Variants in C18orf63 observed in about 807,000 individuals in gnomAD.
The protein encoded by C18orf63 is uncharacterized protein C18orf63.
Under a neutral mutation model 75.3 loss-of-function variants are expected in C18orf63, and 50 were observed. The observed-to-expected ratio is 0.66, with a 90% CI of 0.53 to 0.84. C18orf63 has a LOEUF of 0.84. C18orf63 is among the 40% of genes least tolerant of loss of function. C18orf63 has a pLI of 0.00. For synonymous variants in C18orf63, 232 were observed against 267.6 expected, an observed-to-expected ratio of 0.87 and a Z score of 1.30; for missense variants, 732 against 800.2, an observed-to-expected ratio of 0.91 and a Z score of 1.03.
intron 7 of C18orf63, 57 bp from the exon 8 acceptor site, chr18:74,338,658 A>G (rs1984430575): frequency 1.6e-5 from 11 of 685,982 alleles, no homozygotes; most frequent in East Asian, 3.1e-5. Context: ...ATCTTTTAAA[A>G]TGTTTCCTTT....
chr18:74,343,861 A>G (rs114066276), intron 11 of C18orf63, among the ~76,000 whole-genome samples, 159 bp downstream of exon 11: 79 of 152,186 alleles, frequency 5.2e-4, no homozygotes, highest in African/African-American at 1.7e-3. Context: ...TATTATTACT[A>G]TACTTAGTCA....
rs1426199006 is a variant in C18orf63 at position 74,317,836 on chromosome 18, C to T, written c.-30C>T. On this transcript the variant is annotated splice_region_variant and 5_prime_UTR_variant, in exon 2 of 14. Coordinates refer to ENST00000579455, the MANE Select transcript of C18orf63 (RefSeq NM_001174123.2). ...TTTTTTGCTGTTTATTTTTAAAGGC[C>T]TGATTGCTGAGACACTCAGTCAGGA... 1.3e-6 allele frequency: 2 copies of T among 1,500,432 alleles called. No individual in the cohort carries two copies. The highest frequency in any genetic ancestry group is 1.4e-5 in the African/African-American group (1 of 71,658). 92.9% of individuals were successfully genotyped at this position (1,500,432 alleles called of 1,614,324 possible).
At chr18:74,350,026 AC>A (rs1185628201) in intron 11 of C18orf63, among the ~76,000 whole-genome samples, 2 of 152,156 alleles carry the variant, frequency 1.3e-5, no homozygotes, top group Non-Finnish European at 2.9e-5. Flanking sequence ...GAGGTTGAAC[AC>A]CAGTCCATCC....
At chr18:74,330,984 T>C (rs907475935) in intron 7 of C18orf63, 42 bp downstream of exon 7, 27 of 740,722 alleles carry the variant, frequency 3.6e-5, no homozygotes, top group Non-Finnish European at 5.1e-5. Context: ...ATATTTACTA[T>C]ATACTTTTTA....
Position 74,318,009 on chromosome 18 carries a change from T to C in C18orf63, c.134+10T>C. ...AAATGAAGATGTGCAGGTAAAAAAA[T>C]ACATCTTATAACTAAGACTTTTAAA... On this transcript the variant is annotated intron_variant, in intron 2 of 13. Transcript: ENST00000579455. 6.8e-7 allele frequency: 1 copy of C among 1,476,858 alleles called. No homozygotes were observed. Among genetic ancestry groups the C allele is most frequent in the Non-Finnish European group, 9.0e-7 (1 of 1,114,134 alleles). 91.5% of individuals were successfully genotyped at this position (1,476,858 alleles called of 1,614,324 possible).
chr18:74,350,613 C>A (rs1405369779), intron 11 of C18orf63, among the ~76,000 whole-genome samples: 1 of 152,128 alleles, frequency 6.6e-6, no homozygotes, highest in Non-Finnish European at 1.5e-5. Flanking sequence ...GACTTCAAGG[C>A]TCTAAAACTG....
chr18:74,328,136 C>A (rs1034023626), intron 5 of C18orf63, 78 bp downstream of exon 5: 2 of 846,776 alleles, frequency 2.4e-6, no homozygotes, highest in African/African-American at 1.7e-5. Context: ...TATTCTCATG[C>A]TGCTAATAAA....
At chr18:74,355,440 T>C (rs1486640544) in intron 13 of C18orf63, among the ~76,000 whole-genome samples, 1 of 152,066 alleles carries the variant, frequency 6.6e-6, no homozygotes, top group African/African-American at 2.4e-5. Flanking sequence ...TTTAGAAATA[T>C]AGCACTTTCC....
At chr18:74,325,193 C>T (rs1026009843) in intron 4 of C18orf63, among the ~76,000 whole-genome samples, 8 of 152,090 alleles carry the variant, frequency 5.3e-5, no homozygotes, top group Non-Finnish European at 1.0e-4. Context: ...TTCCTAAACA[C>T]GTTCGTGCTA....
intron 7 of C18orf63, among the ~76,000 whole-genome samples, chr18:74,332,584 T>C (rs1441067149): frequency 6.6e-6 from 1 of 151,944 alleles, no homozygotes; most frequent in African/African-American, 2.4e-5. Flanking sequence ...ATTCCTGTAA[T>C]CCCAGCTACT....
At chr18:74,351,170 A>G (rs1008279705) in intron 11 of C18orf63, among the ~76,000 whole-genome samples, 9 of 152,146 alleles carry the variant, frequency 5.9e-5, no homozygotes, top group Non-Finnish European at 1.2e-4. Flanking sequence ...ATCTCACTCA[A>G]TATTTTCTTG....
At chr18:74,341,748 T>C (rs1419223882) in intron 8 of C18orf63, among the ~76,000 whole-genome samples, 2 of 151,762 alleles carry the variant, frequency 1.3e-5, no homozygotes, top group Non-Finnish European at 2.9e-5. Flanking sequence ...AAAAAAAGTA[T>C]GTGAGTAAAT....
At chr18:74,326,079 G>C (rs562389864) in intron 4 of C18orf63, among the ~76,000 whole-genome samples, 2 of 152,300 alleles carry the variant, frequency 1.3e-5, no homozygotes, top group South Asian at 2.1e-4. Flanking sequence ...GTGGTTTATG[G>C]GATTTGTACA....
chr18:74,352,875 G>A (rs1007693665), intron 11 of C18orf63, among the ~76,000 whole-genome samples: 17 of 152,204 alleles, frequency 1.1e-4, no homozygotes, highest in Non-Finnish European at 2.4e-4. Flanking sequence ...AGATTGATGG[G>A]TGGGAGAAGG....
intron 5 of C18orf63, among the ~76,000 whole-genome samples, chr18:74,328,326 A>G (rs890802458): frequency 6.6e-6 from 1 of 152,118 alleles, no homozygotes; most frequent in African/African-American, 2.4e-5. Flanking sequence ...ATCAGATCTC[A>G]TGAGACTTAT....
At chr18:74,352,475 T>A (rs1476112) in intron 11 of C18orf63, among the ~76,000 whole-genome samples, 13 of 151,648 alleles carry the variant, frequency 8.6e-5, no homozygotes, top group African/African-American at 3.2e-4. Flanking sequence ...CTTGGCTCTT[T>A]TTAATGTATC....
chr18:74,353,634 C>G lies in C18orf63; in HGVS notation c.1367C>G (p.Pro456Arg). Residue 456 changes from proline to arginine, a missense_variant, in exon 12 of 14, where the codon CCA becomes CGA. Around this residue, in one of 3 missense-constraint regions of C18orf63, gnomAD observed 495 missense variants for 508.7 expected, o/e 0.97. Transcript: ENST00000579455. ...AAAAATACCTCAGTACTTGGCAGCC[C>G]AAAAAGAAAACAGCATGATGTGACA... Reference protein sequence around the residue: ...MNKNTSVLGSPKRKQHDVTQS... With the variant: ...MNKNTSVLGSRKRKQHDVTQS... 1 of 1,536,012 alleles carries G rather than the reference C, an allele frequency of 6.5e-7. No individual in the cohort carries two copies.
intron 5 of C18orf63, 137 bp downstream of exon 5, chr18:74,328,195 A>T (rs992608869): frequency 6.8e-6 from 4 of 592,212 alleles, no homozygotes; most frequent in Non-Finnish European, 1.2e-5. Flanking sequence ...TAGTGGATTC[A>T]CAGTTCCACA....
At chr18:74,340,045 A>G (rs1200734625) in intron 8 of C18orf63, among the ~76,000 whole-genome samples, 2 of 152,218 alleles carry the variant, frequency 1.3e-5, no homozygotes, top group African/African-American at 4.8e-5. Flanking sequence ...TGGCAAAGGA[A>G]ACAGTCAACA....
Sources: allele counts gnomAD v4.1 joint callset (sites outside exome capture counted in the v4.1 genomes callset), GRCh38; gene constraint gnomAD v4.1.1; regional missense constraint gnomAD v4.1.1; transcripts MANE v1.5; gene names NCBI Gene and HGNC (gene_info 2026-07-23, HGNC 2026-07-21).